The following XPO1 variants were observed in gnomAD, a reference collection of about 807,000 sequenced individuals.
XPO1 encodes exportin 1, also known as exportin-1.
A neutral mutation model predicts 133.3 loss-of-function variants in XPO1; 5 were observed. That is an observed-to-expected ratio of 0.04 (90% CI 0.02 to 0.08). The LOEUF is 0.08. Ranked by LOEUF, XPO1 falls within the 10% of genes least tolerant of loss-of-function variation. The pLI is 1.00. For missense variants in XPO1, 506 were observed against 1,267.5 expected (o/e 0.40, Z 9.12); for synonymous variants, 419 against 408.2 (o/e 1.03, Z -0.32).
chr2:61,503,022 G>A (rs1244723109), intron 4 of XPO1, among the ~76,000 whole-genome samples: 1 of 149,302 alleles, frequency 6.7e-6, no homozygotes, highest in African/African-American at 2.5e-5. Context: ...CTGGAGTGCA[G>A]TGGCACAATC....
At chr2:61,524,727 A>G (rs1181675088) in intron 3 of XPO1, among the ~76,000 whole-genome samples, 10 of 152,190 alleles carry the variant, frequency 6.6e-5, no homozygotes. Flanking sequence ...GATCAGCCTG[A>G]GCAACACAGG....
intron 12 of XPO1, chr2:61,493,295 G>A (rs182006583): frequency 5.9e-5 from 21 of 353,082 alleles, no homozygotes; most frequent in Non-Finnish European, 1.0e-4. Flanking sequence ...TAAAAATACT[G>A]GGGCTTAAAG....
At chr2:61,519,008 T>A (rs1698550520) in intron 4 of XPO1, among the ~76,000 whole-genome samples, 1 of 152,172 alleles carries the variant, frequency 6.6e-6, no homozygotes, top group Admixed American at 6.5e-5. Flanking sequence ...TGGAGTGCAA[T>A]GGCGTGATCT....
At chr2:61,502,078 A>G in intron 5 of XPO1, 38 bp from the exon 6 acceptor site, 1 of 1,559,896 alleles carries the variant, frequency 6.4e-7, no homozygotes, top group East Asian at 2.2e-5. Context: ...AGCCTGAGGT[A>G]AGTATAAATA....
chr2:61,486,969 A>T (rs1020952496), intron 19 of XPO1, among the ~76,000 whole-genome samples: 2 of 152,012 alleles, frequency 1.3e-5, no homozygotes, highest in Non-Finnish European at 2.9e-5. Context: ...GTTATACTTA[A>T]AGAGTAACTT....
At chr2:61,481,123 A>T (rs1487687425) in intron 24 of XPO1, 62 bp downstream of exon 24, 3 of 1,045,544 alleles carry the variant, frequency 2.9e-6, no homozygotes, top group African/African-American at 3.3e-5. Flanking sequence ...AAATTCTACA[A>T]TGTAACATAA....
In XPO1 at chr2:61,481,975, T is replaced by C. The variant is rs188582304; in HGVS notation, c.2972+405A>G. On this transcript the variant is annotated intron_variant, in intron 23 of 24. Coordinates refer to ENST00000401558, the MANE Select transcript of XPO1 (RefSeq NM_003400.4). ...TGGTCTTGAACTCCTGACCTTGTGATTCACCCACCTCAGCCTCCCAAAGTG... is the reference window on the plus strand; with the variant it reads ...TGGTCTTGAACTCCTGACCTTGTGACTCACCCACCTCAGCCTCCCAAAGTG... 1.5e-4 allele frequency among the ~76,000 whole-genome samples: 22 copies of C among 148,402 alleles called. No individual in the cohort carries two copies. In the East Asian group the frequency reaches 4.3e-3, roughly 29 times the overall value.
chr2:61,502,888 C>T (rs1390648762), intron 4 of XPO1, among the ~76,000 whole-genome samples: 4 of 150,062 alleles, frequency 2.7e-5, no homozygotes, highest in Non-Finnish European at 4.4e-5. Flanking sequence ...ATTACAGGAA[C>T]AAGCCAACAA....
intron 20 of XPO1, chr2:61,484,634 A>C (rs1334873707): frequency 6.6e-6 from 1 of 151,096 alleles, no homozygotes; most frequent in African/African-American, 2.5e-5. Flanking sequence ...ATGCCCAGCT[A>C]ATTTTTTTTC....
At chr2:61,498,985 A>G (rs2104496690) in intron 7 of XPO1, 72 bp from the exon 8 acceptor site, 3 of 1,461,970 alleles carry the variant, frequency 2.1e-6, no homozygotes, top group Middle Eastern at 4.8e-4. Flanking sequence ...CTATAATACT[A>G]ATAAAAATGA....
chr2:61,513,132 G>A (rs1287807617), intron 4 of XPO1, among the ~76,000 whole-genome samples: 1 of 151,990 alleles, frequency 6.6e-6, no homozygotes, highest in Admixed American at 6.6e-5. Context: ...TCGGCTCACT[G>A]CAACCTCCAC....
rs1438255890 is a variant in XPO1 at position 61,492,059 on chromosome 2, A to G, written c.1863T>C (p.Ile621=). 1.2e-6 allele frequency: 2 copies of G among 1,614,068 alleles called. No individual in the cohort carries two copies. Among genetic ancestry groups the G allele is most frequent in the Admixed American group, 3.3e-5 (2 of 59,992 alleles). ...IDEILNNINT[I]ICDLQPQQVH... is the part of the protein sequence containing the mutation. ...CCTGTTGAGGCTGAAGATCACAAAT[A>G]ATAGTGTTAATGTTGTTCAAAATTT... is the stretch of plus-strand genomic sequence containing the variant. Residue 621 remains isoleucine, a synonymous_variant, in exon 16 of 25, where the codon ATT becomes ATC. Transcript: ENST00000401558. The surrounding 1 kb of genome is among the most constrained non-coding windows in gnomAD (Gnocchi z 5.6).
At chr2:61,480,929 T>C (rs1696317452) in intron 24 of XPO1, among the ~76,000 whole-genome samples, 2 of 152,198 alleles carry the variant, frequency 1.3e-5, no homozygotes, top group African/African-American at 4.8e-5. Flanking sequence ...CATTATACAT[T>C]TAAGACTACC....
chr2:61,492,021 A>C lies in XPO1; in HGVS notation c.1887+14T>G. On this transcript the variant is annotated intron_variant, in intron 16 of 24. Coordinates refer to ENST00000401558, the MANE Select transcript of XPO1 (RefSeq NM_003400.4). The surrounding 1 kb of genome is among the most constrained non-coding windows in gnomAD (Gnocchi z 5.6). ...TACTTTCTAAAAATAACATATGCTCAGTGCTTAACATACCTGTTGAGGCTG... is the reference window on the plus strand; with the variant it reads ...TACTTTCTAAAAATAACATATGCTCCGTGCTTAACATACCTGTTGAGGCTG... 1 of 1,613,398 alleles carries C rather than the reference A, an allele frequency of 6.2e-7. No individual in the cohort carries two copies.
At chr2:61,516,353 G>A (rs921088555) in intron 4 of XPO1, among the ~76,000 whole-genome samples, 4 of 151,428 alleles carry the variant, frequency 2.6e-5, no homozygotes, top group African/African-American at 7.3e-5. Flanking sequence ...TTGTAATTAC[G>A]ATCTTTCCAC....
chr2:61,515,162 G>C (rs1464971888), intron 4 of XPO1, among the ~76,000 whole-genome samples: 1 of 152,052 alleles, frequency 6.6e-6, no homozygotes, highest in Non-Finnish European at 1.5e-5. Flanking sequence ...CAGTGAAGGT[G>C]AAAGTAATCG....
chr2:61,521,765 C>G (rs10173974), intron 4 of XPO1, among the ~76,000 whole-genome samples: 91,825 of 151,650 alleles, frequency 0.61, 27,890 homozygotes, highest in Middle Eastern at 0.7. Flanking sequence ...TGTTGTTGTT[C>G]TTGTTTTTTG....
chr2:61,508,354 T>C (rs2104591021), intron 4 of XPO1, among the ~76,000 whole-genome samples: 1 of 152,344 alleles, frequency 6.6e-6, no homozygotes, highest in South Asian at 2.1e-4. Flanking sequence ...GCTTATGACA[T>C]GTAAATGTTC....
chr2:61,518,206 T>C (rs548363223), intron 4 of XPO1, among the ~76,000 whole-genome samples: 12 of 151,322 alleles, frequency 7.9e-5, no homozygotes, highest in South Asian at 4.2e-4. Flanking sequence ...TGAACCATGA[T>C]TGCACCACTG....
Sources: gnomAD v4.1 joint callset for allele counts (sites outside exome capture counted in the v4.1 genomes callset) on GRCh38, gnomAD v4.1.1 for gene constraint, Gnocchi (gnomAD v3.1) non-coding constraint, MANE v1.5 for transcripts, NCBI Gene and HGNC (gene_info 2026-07-23, HGNC 2026-07-21) for gene names.